The following LINS1 variants were observed in gnomAD, a reference collection of about 807,000 sequenced individuals.
LINS1 encodes lines homolog 1.
LINS1 carries 27 observed loss-of-function variants against 41.6 expected under a neutral mutation model. The observed-to-expected ratio is 0.65, with a 90% CI of 0.48 to 0.89. The LOEUF is 0.89. Among genes scored for constraint, LINS1 ranks in the 40% least tolerant of loss-of-function variants. The pLI is 0.00. For synonymous variants in LINS1, 336 were observed against 312.9 expected, an observed-to-expected ratio of 1.07 and a Z score of -0.78; for missense variants, 955 against 884.1, an observed-to-expected ratio of 1.08 and a Z score of -1.02.
chr15:100,578,455 C>T (rs530791190), intron 3 of LINS1, among the ~76,000 whole-genome samples: 2,319 of 151,242 alleles, frequency 0.015, 35 homozygotes, highest in Non-Finnish European at 0.022. Context: ...CAGAGAAATG[C>T]AAATCAAAAC....
At position 100,580,578 on chromosome 15, in the gene LINS1, T is replaced by C. The variant is rs747048880; in HGVS notation, c.265A>G (p.Met89Val). ...TTGATCACTGTTAACTGAAGGAGCATTACTTCTCTGGAACCGCTCATCTGA... is the reference window on the plus strand; with the variant it reads ...TTGATCACTGTTAACTGAAGGAGCACTACTTCTCTGGAACCGCTCATCTGA... ...NSQMSGSREV[M>V]LLQLTVIKVM... is the part of the protein sequence containing the mutation. The change falls in exon 2 of 7, where the codon ATG becomes GTG. Residue 89 changes from methionine to valine, a missense_variant. Physicochemically the swap from Met to Val is conservative, Grantham distance 21. Transcript: ENST00000314742. 7 of 1,613,936 alleles carry C rather than the reference T, an allele frequency of 4.3e-6. No homozygotes were observed. In the Admixed American group the frequency reaches 8.3e-5, roughly 19 times the overall value.
intron 1 of LINS1, among the ~76,000 whole-genome samples, chr15:100,593,576 T>G: frequency 6.7e-6 from 1 of 148,334 alleles, no homozygotes; most frequent in African/African-American, 2.5e-5. Flanking sequence ...GGGGGGTGCT[T>G]AATTATCATA....
chr15:100,577,461 T>C (rs887745941), intron 3 of LINS1, among the ~76,000 whole-genome samples: 5 of 152,252 alleles, frequency 3.3e-5, no homozygotes, highest in Non-Finnish European at 7.4e-5. Context: ...GAATCCAACT[T>C]ACAAGGGATG....
rs2038433663 is a variant in LINS1, at chr15:100,579,947, T to C, written c.489+316A>G. 1.3e-5 allele frequency among the ~76,000 whole-genome samples: 2 copies of C among 152,226 alleles called. 1 individual carries two copies. The highest frequency in any genetic ancestry group is 4.1e-4 in the South Asian group (2 of 4,836). Reference sequence around the variant, plus strand: ...AGACTCTAATCCTTGACACAAATCATCATATTCTATTCTTAAATTTTTATG... The same window carrying C: ...AGACTCTAATCCTTGACACAAATCACCATATTCTATTCTTAAATTTTTATG... On this transcript the variant is annotated intron_variant, in intron 3 of 6. Coordinates refer to ENST00000314742, the MANE Select transcript of LINS1 (RefSeq NM_001040616.3).
At chr15:100,577,532 A>T (rs529132913) in intron 3 of LINS1, among the ~76,000 whole-genome samples, 3 of 152,238 alleles carry the variant, frequency 2.0e-5, no homozygotes, top group Non-Finnish European at 2.9e-5. Flanking sequence ...GAGGACACAA[A>T]CAAATGGAAG....
rs1325928425 is a variant in LINS1, at chr15:100,574,982, C to T, written c.631+5G>A. 6 of 1,611,930 alleles carry T rather than the reference C, an allele frequency of 3.7e-6. No homozygotes were observed. The highest frequency in any genetic ancestry group is 5.1e-6 in the Non-Finnish European group (6 of 1,179,164). On this transcript the variant is annotated splice_donor_5th_base_variant and intron_variant, in intron 4 of 6. Transcript: ENST00000314742. Reference sequence around the variant, plus strand: ...TGATTGTTTATGGGGCCATGTAATCCATACCTGTTTTCTGTGAACATGAAT... The same window carrying T: ...TGATTGTTTATGGGGCCATGTAATCTATACCTGTTTTCTGTGAACATGAAT...
chr15:100,569,141 G>GA lies in LINS1; in HGVS notation c.*96dup. On this transcript the variant is annotated 3_prime_UTR_variant, in exon 7 of 7. Transcript: ENST00000314742. ...CTGTCTCAAAAAAAAAAAAAAAAAA[G>GA]AAAACCCTTTTATGGTGATGATTTT... 1.8e-6 allele frequency: 1 copy of GA among 544,712 alleles called. No individual in the cohort carries two copies. 33.7% of individuals were successfully genotyped at this position (544,712 alleles called of 1,614,324 possible).
chr15:100,573,474 T>C (rs750685518), intron 5 of LINS1, 177 bp downstream of exon 5: 255 of 855,254 alleles, frequency 3.0e-4, no homozygotes, highest in Middle Eastern at 1.1e-3. Flanking sequence ...GCTGACATGT[T>C]TCTTAAAGGT....
chr15:100,598,592 C>T (rs1488298544), intron 1 of LINS1, among the ~76,000 whole-genome samples: 1 of 152,152 alleles, frequency 6.6e-6, no homozygotes, highest in African/African-American at 2.4e-5. Context: ...CTTAAATTAC[C>T]AGGGCAAGAA....
chr15:100,575,087 A>G lies in LINS1; in HGVS notation c.531T>C (p.Asn177=), dbSNP rs374607433. 2 of 1,612,788 alleles carry G rather than the reference A, an allele frequency of 1.2e-6. No individual in the cohort carries two copies. Among genetic ancestry groups the G allele is most frequent in the African/African-American group, 2.7e-5 (2 of 74,906 alleles). Residue 177 remains asparagine (N), a synonymous_variant, in exon 4 of 7, where the codon AAT becomes AAC. Coordinates refer to ENST00000314742, the MANE Select transcript of LINS1 (RefSeq NM_001040616.3). ...TATTACTCTCAGAGTATTCAGAAAG[A>G]TTTTTCTGGCAAAAAGCAATCCAGG... ...SNSWIAFCQK[N]LSEYSESNKA...
chr15:100,589,979 T>G (rs2141343036), intron 1 of LINS1, among the ~76,000 whole-genome samples: 1 of 152,314 alleles, frequency 6.6e-6, no homozygotes, highest in African/African-American at 2.4e-5. Flanking sequence ...AGATTGTCCT[T>G]GCCATCCACA....
At chr15:100,590,546 T>C (rs1217655765) in intron 1 of LINS1, among the ~76,000 whole-genome samples, 1 of 152,228 alleles carries the variant, frequency 6.6e-6, no homozygotes, top group Non-Finnish European at 1.5e-5. Context: ...GAAGCAATGA[T>C]TAGAAATGTT....
intron 4 of LINS1, 25 bp from the exon 5 acceptor site, chr15:100,574,266 T>A: frequency 7.0e-7 from 1 of 1,433,354 alleles, no homozygotes; most frequent in Non-Finnish European, 9.8e-7. Flanking sequence ...ATAGGAATTA[T>A]AAACAGGAAA....
intron 5 of LINS1, chr15:100,573,366 G>T (rs991252685): frequency 4.1e-6 from 5 of 1,222,810 alleles, no homozygotes; most frequent in Non-Finnish European, 5.2e-6. Flanking sequence ...ACTTGAATAT[G>T]AATTGATTTC....
In LINS1 at chr15:100,580,829, C is replaced by A; in HGVS notation, c.14G>T (p.Cys5Phe). 1 of 1,612,308 alleles carries A rather than the reference C, an allele frequency of 6.2e-7. No individual in the cohort carries two copies. The highest frequency in any genetic ancestry group is 8.5e-7 in the Non-Finnish European group (1 of 1,179,096). Residue 5 changes from cysteine (C) to phenylalanine (F), a missense_variant, in exon 2 of 7, where the codon TGT becomes TTT. Cys to Phe is a radical substitution (Grantham distance 205). Coordinates refer to ENST00000314742, the MANE Select transcript of LINS1 (RefSeq NM_001040616.3). ...CTTGTATAACTCTTCTAAAACTTCACAGAAAACTTTCATTTTGACTTCCAA... is the reference window on the plus strand; with the variant it reads ...CTTGTATAACTCTTCTAAAACTTCAAAGAAAACTTTCATTTTGACTTCCAA... MKVF[C>F]EVLEELYKKV...
chr15:100,571,817 G>T, intron 6 of LINS1, 77 bp downstream of exon 6: 1 of 1,527,180 alleles, frequency 6.5e-7, no homozygotes. Flanking sequence ...TAAGCAACAC[G>T]CCCAGCACAT....
At chr15:100,588,576 C>T (rs2038908356) in intron 1 of LINS1, among the ~76,000 whole-genome samples, 1 of 152,150 alleles carries the variant, frequency 6.6e-6, no homozygotes, top group African/African-American at 2.4e-5. Context: ...CTAAATTATG[C>T]AGGTCAGATA....
rs541929923 is a variant in LINS1 at position 100,583,470 on chromosome 15, C to T, written c.-103-2525G>A. On this transcript the variant is annotated intron_variant, in intron 1 of 6. Coordinates refer to ENST00000314742, the MANE Select transcript of LINS1 (RefSeq NM_001040616.3). ...AACTTTTGATAAGTTTTCTCTGAATCACACTTTCAACCTGTGGTATGCATC... is the reference window on the plus strand; with the variant it reads ...AACTTTTGATAAGTTTTCTCTGAATTACACTTTCAACCTGTGGTATGCATC... Among the ~76,000 whole-genome samples the T allele has an allele frequency of 5.0e-5, 7 of 139,798 alleles. No homozygotes were observed. The East Asian group carries it at 1.3e-3, about 27-fold the overall frequency. 91.7% of individuals were successfully genotyped at this position (139,798 alleles called of 152,430 possible).
Position 100,569,629 on chromosome 15 carries a change from T to A in LINS1, c.1883A>T (p.Asp628Val). Residue 628 changes from aspartate to valine, a missense_variant, in exon 7 of 7, where the codon GAT becomes GTT. Transcript: ENST00000314742. ...GTCAGAATCGTCAGAGCTGTCGTAATCTACCAGACTTTGAGAGGCCCGGGG... is the reference window on the plus strand; with the variant it reads ...GTCAGAATCGTCAGAGCTGTCGTAAACTACCAGACTTTGAGAGGCCCGGGG... The part of the protein sequence containing the change: ...SSPRASQSLV[D>V]YDSSDDSDVE... 6.2e-7 allele frequency: 1 copy of A among 1,613,176 alleles called. No homozygotes were observed. The highest frequency in any genetic ancestry group is 8.5e-7 in the Non-Finnish European group (1 of 1,179,250).
Sources: gnomAD v4.1 joint callset for allele counts (sites outside exome capture counted in the v4.1 genomes callset) on GRCh38, gnomAD v4.1.1 for gene constraint, MANE v1.5 for transcripts, NCBI Gene and HGNC (gene_info 2026-07-23, HGNC 2026-07-21) for gene names.